RRBP1: variants seen among roughly 807,000 people sequenced by gnomAD.
The protein encoded by RRBP1 is ribosome binding protein 1.
In RRBP1, 94 loss-of-function variants were observed where a neutral mutation model predicts 165.2. That is an observed-to-expected ratio of 0.57 (90% confidence interval 0.48 to 0.68). The LOEUF is 0.68. Ranked by LOEUF, RRBP1 falls within the 30% of genes least tolerant of loss-of-function variation. The pLI is 0.00. For missense variants in RRBP1, 1,676 were observed against 1,763.0 expected (o/e 0.95, Z 0.88); for synonymous variants, 680 against 714.5 (o/e 0.95, Z 0.77).
intron 7 of RRBP1, 127 bp from the exon 8 acceptor site, chr20:17,633,740 A>G: frequency 1.1e-6 from 1 of 916,206 alleles, no homozygotes; most frequent in East Asian, 2.6e-5. Flanking sequence ...AGCCATTACC[A>G]AAGCCACTTT....
intron 5 of RRBP1, among the ~76,000 whole-genome samples, chr20:17,639,724 T>C (rs1234641253): frequency 1.3e-5 from 2 of 151,866 alleles, no homozygotes; most frequent in Admixed American, 6.6e-5. Context: ...AGAAACCCCG[T>C]CTCTACTAAA....
intron 9 of RRBP1, among the ~76,000 whole-genome samples, chr20:17,629,025 T>C (rs566751494): frequency 6.6e-6 from 1 of 152,358 alleles, no homozygotes; most frequent in South Asian, 2.1e-4. Flanking sequence ...TTTTGCCCAC[T>C]GTGGCAGAGC....
At chr20:17,620,163 C>T in intron 18 of RRBP1, 136 bp downstream of exon 18, 1 of 716,294 alleles carries the variant, frequency 1.4e-6, no homozygotes, top group Non-Finnish European at 2.5e-6. Flanking sequence ...GACAAGATCC[C>T]TTGGCTTGAG....
At chr20:17,638,260 G>C (rs2036284316) in intron 5 of RRBP1, among the ~76,000 whole-genome samples, 1 of 152,246 alleles carries the variant, frequency 6.6e-6, no homozygotes, top group Non-Finnish European at 1.5e-5. Context: ...TCTCTTTGCT[G>C]AGTTTCCGAC....
chr20:17,667,961 C>T (rs977325010), intron 2 of RRBP1, among the ~76,000 whole-genome samples: 15 of 152,152 alleles, frequency 9.9e-5, no homozygotes, highest in South Asian at 2.1e-4. Context: ...ACTTGTCTTC[C>T]GGCATTTTCT....
intron 8 of RRBP1, 108 bp from the exon 9 acceptor site, chr20:17,630,069 A>T (rs1337449100): frequency 1.1e-5 from 14 of 1,268,728 alleles, no homozygotes; most frequent in Non-Finnish European, 1.5e-5. Context: ...AGCCCCGTGC[A>T]GTCTCTGGTC....
At chr20:17,656,088 G>A (rs12329608) in intron 3 of RRBP1, among the ~76,000 whole-genome samples, 5 of 152,148 alleles carry the variant, frequency 3.3e-5, no homozygotes, top group Admixed American at 2.0e-4. Context: ...CAAATCCACC[G>A]CAGATGGCCC....
chr20:17,615,821 G>C lies in RRBP1; in HGVS notation c.3951+105C>G, dbSNP rs527656978. ...CCCAGAAGGCCCAGGCCCAGCCCAG[G>C]TGCTGCTGGGCACAGCCGAGCGGGG... On this transcript the variant is annotated intron_variant, in intron 22 of 24. Coordinates refer to ENST00000377813, the MANE Select transcript of RRBP1 (RefSeq NM_001365613.2). 1.5e-5 allele frequency: 15 copies of C among 1,011,950 alleles called. No homozygotes were observed. The African/African-American group carries it at 2.2e-4, about 15-fold the overall frequency. 62.7% of individuals were successfully genotyped at this position (1,011,950 alleles called of 1,614,324 possible). A position where few individuals can be genotyped will look rare whatever the true frequency, so the allele number is the denominator to read the frequency against.
At chr20:17,673,534 A>C (rs1189755285) in intron 2 of RRBP1, among the ~76,000 whole-genome samples, 1 of 151,930 alleles carries the variant, frequency 6.6e-6, no homozygotes, top group African/African-American at 2.4e-5. Flanking sequence ...TCAGCCTCCC[A>C]AGTAGCTGCG....
At chr20:17,640,783 CA>C (rs1417305524) in intron 5 of RRBP1, among the ~76,000 whole-genome samples, 1 of 152,186 alleles carries the variant, frequency 6.6e-6, no homozygotes, top group Non-Finnish European at 1.5e-5. Flanking sequence ...ATCCCCCACC[CA>C]GTGAACTTCC....
intron 2 of RRBP1, among the ~76,000 whole-genome samples, chr20:17,676,327 C>T (rs2037081071): frequency 6.6e-6 from 1 of 152,172 alleles, no homozygotes; most frequent in Non-Finnish European, 1.5e-5. Flanking sequence ...GTACAGGGTA[C>T]AGGTATGAGA....
chr20:17,627,368 C>T lies in RRBP1; in HGVS notation c.2943G>A (p.Glu981=), dbSNP rs765919897. ...CTTACCGAGTCTGCTGCTGGTCAGC[C>T]TCCGCCTGGCTGGCCTGGAATGAGA... is the stretch of plus-strand genomic sequence containing the variant. ...DAQDVQASQA[E]ADQQQTRLKE... The change falls in exon 11 of 25, where the codon GAG becomes GAA. Residue 981 remains glutamate, a synonymous_variant. Transcript: ENST00000377813. 6.2e-7 allele frequency: 1 copy of T among 1,613,910 alleles called. No homozygotes were observed. The highest frequency in any genetic ancestry group is 1.1e-5 in the South Asian group (1 of 91,034).
At chr20:17,653,520 C>T (rs1230228095) in intron 3 of RRBP1, among the ~76,000 whole-genome samples, 1 of 152,252 alleles carries the variant, frequency 6.6e-6, no homozygotes, top group Non-Finnish European at 1.5e-5. Context: ...GAGACCAATA[C>T]ATACAGATCA....
Position 17,659,630 on chromosome 20 carries a change from T to C in RRBP1, c.878A>G (p.Glu293Gly). Residue 293 changes from glutamate to glycine, a missense_variant, in exon 3 of 25, where the codon GAG becomes GGG. Physicochemically the swap from Glu to Gly is moderately conservative, Grantham distance 98. Coordinates refer to ENST00000377813, the MANE Select transcript of RRBP1 (RefSeq NM_001365613.2). ...CTTTTTGGCCTGGTTCTGAGCCCCCTCGGCCTTTCTGCCCTGGGTTGGGGC... is the reference window on the plus strand; with the variant it reads ...CTTTTTGGCCTGGTTCTGAGCCCCCCCGGCCTTTCTGCCCTGGGTTGGGGC... ...EGAPTQGRKA[E>G]GAQNQAKKVE... The C allele has an allele frequency of 6.4e-7, 1 of 1,550,576 alleles. No individual in the cohort carries two copies. Among genetic ancestry groups the C allele is most frequent in the Non-Finnish European group, 8.7e-7 (1 of 1,146,982 alleles).
rs191574048 is a variant in RRBP1 at position 17,614,651 on chromosome 20, G to A, written c.4194+86C>T. 4.6e-4 allele frequency: 718 copies of A among 1,545,712 alleles called. 10 individuals are homozygous for A. The East Asian group carries it at 0.013, about 28-fold the overall frequency. ...GCGCTCCCAGCAGCTTGACGACTCCGCCCAGCTCTGCCTCTCCCGGTCCTG... is the reference window on the plus strand; with the variant it reads ...GCGCTCCCAGCAGCTTGACGACTCCACCCAGCTCTGCCTCTCCCGGTCCTG... On this transcript the variant is annotated intron_variant, in intron 24 of 24. Coordinates refer to ENST00000377813, the MANE Select transcript of RRBP1 (RefSeq NM_001365613.2).
intron 2 of RRBP1, among the ~76,000 whole-genome samples, chr20:17,678,452 G>T (rs12625382): frequency 0.12 from 18,144 of 152,274 alleles, 1,400 homozygotes; most frequent in Middle Eastern, 0.24. Flanking sequence ...CACACAAAGA[G>T]GCGGGACTAA....
intron 1 of RRBP1, among the ~76,000 whole-genome samples, chr20:17,680,871 T>C (rs1363709310): frequency 6.6e-6 from 1 of 152,068 alleles, no homozygotes; most frequent in South Asian, 2.1e-4. Context: ...TCTCCACAGC[T>C]TTCCTCGCAA....
At chr20:17,653,771 T>C (rs1332825674) in intron 3 of RRBP1, among the ~76,000 whole-genome samples, 1 of 150,032 alleles carries the variant, frequency 6.7e-6, no homozygotes, top group Non-Finnish European at 1.5e-5. Flanking sequence ...GAGGCAGAGG[T>C]TGCAGTGAGC....
At chr20:17,616,068 G>A (rs1376338728) in intron 21 of RRBP1, 59 bp from the exon 22 acceptor site, 2 of 1,456,420 alleles carry the variant, frequency 1.4e-6, no homozygotes, top group African/African-American at 1.4e-5. Context: ...CAGGGGCCCA[G>A]GGATCCAGCA....
Sources: allele counts gnomAD v4.1 joint callset (sites outside exome capture counted in the v4.1 genomes callset), GRCh38; gene constraint gnomAD v4.1.1; transcripts MANE v1.5; gene names NCBI Gene and HGNC (gene_info 2026-07-23, HGNC 2026-07-21).